The following SIPA1 variants were observed in gnomAD, a reference collection of about 807,000 sequenced individuals.
SIPA1 encodes signal-induced proliferation-associated protein 1.
In SIPA1, 51 loss-of-function variants were observed where a neutral mutation model predicts 88.1. The ratio of observed to expected loss-of-function variants is 0.58; its 90% CI spans 0.46 to 0.73. The LOEUF is 0.73. Ranked by LOEUF, SIPA1 falls within the 30% of genes least tolerant of loss-of-function variation. The pLI is 0.00. For missense variants in SIPA1, 1,348 were observed against 1,467.6 expected (o/e 0.92, Z 1.33); for synonymous variants, 681 against 664.8 (o/e 1.02, Z -0.37).
At position 65,646,681 on chromosome 11, in the gene SIPA1, G is replaced by C; in HGVS notation, c.1647G>C (p.Leu549=). 1.3e-6 allele frequency: 2 copies of C among 1,543,762 alleles called. No homozygotes were observed. The highest frequency in any genetic ancestry group is 1.7e-6 in the Non-Finnish European group (2 of 1,146,896). Residue 549 remains leucine, a synonymous_variant, in exon 8 of 16, where the codon CTG becomes CTC. Transcript: ENST00000534313. The surrounding 1 kb of genome is among the most constrained non-coding windows in gnomAD (Gnocchi z 7.5). The stretch of plus-strand genomic sequence containing the variant: ...CCAACGAGGTGACCACTACGTCGCT[G>C]GACTCGGCTTCACGCTTCGGCCTGC... ...LATNEVTTTS[L]DSASRFGLPS... is the part of the protein sequence containing the mutation.
rs1856016323 is a variant in SIPA1 at position 65,642,125 on chromosome 11, T to C, written c.680-125T>C. 1.5e-6 allele frequency: 2 copies of C among 1,321,830 alleles called. No individual in the cohort carries two copies. The highest frequency in any genetic ancestry group is 5.5e-5 in the Admixed American group (2 of 36,222). The allele number at this position is 1,321,830 out of a possible 1,614,324, so 81.9% of individuals were successfully genotyped here. ...CTCGGGGCTACAGAGGGGCGGGACT[T>C]AGTCTAGGGTCAACATTTGGTGGTG... On this transcript the variant is annotated intron_variant, in intron 2 of 15. Coordinates refer to ENST00000534313, the MANE Select transcript of SIPA1 (RefSeq NM_006747.4). This position sits in a 1 kb window ranked among gnomAD's most constrained non-coding sequence, Gnocchi z 6.5.
At chr11:65,650,534 T>TG in intron 15 of SIPA1, 35 bp from the exon 16 acceptor site, 1 of 1,611,606 alleles carries the variant, frequency 6.2e-7, no homozygotes, top group Non-Finnish European at 8.5e-7. Context: ...GGAAAGGGGC[T>TG]GGCGGCTCTG....
intron 1 of SIPA1, among the ~76,000 whole-genome samples, chr11:65,640,465 G>A (rs758320997): frequency 1.3e-5 from 2 of 152,310 alleles, no homozygotes; most frequent in Admixed American, 6.5e-5. Context: ...TGGGTTTCCC[G>A]TCCCAGCCAA....
At chr11:65,649,168 TC>T (rs1202628562) in intron 9 of SIPA1, 93 bp from the exon 10 acceptor site, 4 of 895,152 alleles carry the variant, frequency 4.5e-6, no homozygotes, top group Non-Finnish European at 6.7e-6. Flanking sequence ...GCTCTCCTGC[TC>T]CTGGAAGTGA....
rs1471726700 is a variant in SIPA1, at chr11:65,646,743, G to T, written c.1709G>T (p.Gly570Val). Reference protein sequence around the residue: ...LGGRRRAAPRGPGAELQAAGS... With the variant: ...LGGRRRAAPRVPGAELQAAGS... ...GGGAGGCGCCGGGCGGCCCCTCGGG[G>T]CCCAGGCGCCGAGCTGCAGGCAGCG... Residue 570 changes from glycine (G) to valine (V), a missense_variant, in exon 8 of 16, where the codon GGC (glycine) becomes GTC (valine). Gly to Val is a moderately radical substitution (Grantham distance 109, BLOSUM62 -3). Around this residue, in one of 4 missense-constraint regions of SIPA1, gnomAD observed 68 missense variants for 59.0 expected, o/e 1.15. Coordinates refer to ENST00000534313, the MANE Select transcript of SIPA1 (RefSeq NM_006747.4). The surrounding 1 kb of genome is among the most constrained non-coding windows in gnomAD (Gnocchi z 7.5). 1.3e-6 allele frequency: 2 copies of T among 1,514,362 alleles called. No homozygotes were observed. The highest frequency in any genetic ancestry group is 8.8e-7 in the Non-Finnish European group (1 of 1,136,706). The allele number at this position is 1,514,362 out of a possible 1,614,324, so 93.8% of individuals were successfully genotyped here.
At chr11:65,645,320 A>G (rs1379443675) in intron 5 of SIPA1, among the ~76,000 whole-genome samples, 191 bp downstream of exon 5, 1 of 152,126 alleles carries the variant, frequency 6.6e-6, no homozygotes, top group African/African-American at 2.4e-5. Flanking sequence ...ACTGTCCCTC[A>G]AGGCCCAAGT....
At chr11:65,641,882 T>C (rs529825460) in intron 2 of SIPA1, among the ~76,000 whole-genome samples, 22 of 152,338 alleles carry the variant, frequency 1.4e-4, no homozygotes, top group Non-Finnish European at 2.2e-4. Flanking sequence ...AGATTCCCTA[T>C]GGGCTTTTCT....
chr11:65,649,904 G>T (rs1327783854), intron 12 of SIPA1, 39 bp downstream of exon 12: 3 of 1,612,944 alleles, frequency 1.9e-6, no homozygotes, highest in Non-Finnish European at 1.7e-6. Flanking sequence ...GGGGTTGGGG[G>T]GTGCTCCTGG....
chr11:65,641,710 C>T, intron 2 of SIPA1, 110 bp downstream of exon 2: 3 of 1,083,350 alleles, frequency 2.8e-6, no homozygotes, highest in Non-Finnish European at 2.6e-6. Flanking sequence ...TGTAAAGTCC[C>T]TGGCCCTGGG....
In SIPA1 at chr11:65,646,476, A is replaced by C; in HGVS notation, c.1442A>C (p.Gln481Pro). 1 of 1,584,344 alleles carries C rather than the reference A, an allele frequency of 6.3e-7. No individual in the cohort carries two copies. Among genetic ancestry groups the C allele is most frequent in the Non-Finnish European group, 8.5e-7 (1 of 1,170,988 alleles). ...TTYRVAVSRTQDTPAFGPALP... is the reference protein window; with the variant it reads ...TTYRVAVSRTPDTPAFGPALP... ...CGCAGGGTGGCCGTGAGCCGCACCC[A>C]GGACACCCCTGCCTTCGGGCCAGCT... The change falls in exon 8 of 16, where the codon CAG (glutamine) becomes CCG (proline). Residue 481 changes from glutamine (Q) to proline (P), a missense_variant. Around this residue, in one of 4 missense-constraint regions of SIPA1, gnomAD observed 641 missense variants for 797.7 expected, o/e 0.80. Transcript: ENST00000534313. The surrounding 1 kb of genome is among the most constrained non-coding windows in gnomAD (Gnocchi z 7.5).
At chr11:65,638,206 G>C (rs1396262167) in intron 1 of SIPA1, 24 bp downstream of exon 1, 3 of 152,326 alleles carry the variant, frequency 2.0e-5, no homozygotes, top group Non-Finnish European at 2.9e-5. Context: ...CAGGGGACGG[G>C]AGGCACTACT....
intron 2 of SIPA1, 100 bp downstream of exon 2, chr11:65,641,700 T>C: frequency 1.8e-6 from 2 of 1,138,338 alleles, no homozygotes; most frequent in South Asian, 3.1e-5. Flanking sequence ...GTCCATTTCC[T>C]GTAAAGTCCC....
At position 65,646,501 on chromosome 11, in the gene SIPA1, T is replaced by C. The variant is rs749888749; in HGVS notation, c.1467T>C (p.Ala489=). ...RTQDTPAFGP[A]LPAGGGPFAA... Reference sequence around the variant, plus strand: ...AGGACACCCCTGCCTTCGGGCCAGCTCTGCCTGCTGGCGGAGGCCCCTTCG... The same window carrying C: ...AGGACACCCCTGCCTTCGGGCCAGCCCTGCCTGCTGGCGGAGGCCCCTTCG... The change falls in exon 8 of 16, where the codon GCT becomes GCC. Residue 489 remains alanine (A), a synonymous_variant. Transcript: ENST00000534313. This position sits in a 1 kb window ranked among gnomAD's most constrained non-coding sequence, Gnocchi z 7.5. 1.9e-6 allele frequency: 3 copies of C among 1,578,372 alleles called. No homozygotes were observed. Among genetic ancestry groups the C allele is most frequent in the Non-Finnish European group, 2.6e-6 (3 of 1,169,006 alleles).
rs1467412488 is a variant in SIPA1, at chr11:65,642,263, C to T, written c.693C>T (p.Phe231=). ...GCGGTCCCCCAGAACATCAGAACTT[C>T]TTCGGGATGGACGAGTCGCTGGGCC... ...KYFYGKEHQN[F]FGMDESLGPV... is the part of the protein sequence containing the mutation. The change falls in exon 3 of 16, where the codon TTC becomes TTT. Residue 231 remains phenylalanine (F), a synonymous_variant. Coordinates refer to ENST00000534313, the MANE Select transcript of SIPA1 (RefSeq NM_006747.4). This position sits in a 1 kb window ranked among gnomAD's most constrained non-coding sequence, Gnocchi z 6.5. 2 of 1,554,748 alleles carry T rather than the reference C, an allele frequency of 1.3e-6. No homozygotes were observed. Among genetic ancestry groups the T allele is most frequent in the Non-Finnish European group, 1.7e-6 (2 of 1,150,278 alleles).
Position 65,649,289 on chromosome 11 carries a change from G to A in SIPA1, c.2334G>A (p.Ser778=), listed in dbSNP as rs1391530948. 5 of 1,548,768 alleles carry A rather than the reference G, an allele frequency of 3.2e-6. No homozygotes were observed. Among genetic ancestry groups the A allele is most frequent in the Non-Finnish European group, 4.4e-6 (5 of 1,144,870 alleles). The part of the protein sequence containing the change: ...RRSFSELYTL[S]LQEPSRRGAP... ...GTTTTTCGGAGCTGTACACGCTGTC[G>A]CTGCAGGAGCCTAGCCGGCGGGGGG... Residue 778 remains serine (S), a synonymous_variant, in exon 10 of 16, where the codon TCG becomes TCA. Transcript: ENST00000534313.
At position 65,642,916 on chromosome 11, in the gene SIPA1, T is replaced by C. The variant is rs1482457190; in HGVS notation, c.984+277T>C. Among the ~76,000 whole-genome samples, 4 of 151,542 alleles carry C rather than the reference T, an allele frequency of 2.6e-5. No individual in the cohort carries two copies. In the East Asian group the frequency reaches 7.7e-4, roughly 29 times the overall value. On this transcript the variant is annotated intron_variant, in intron 4 of 15. Coordinates refer to ENST00000534313, the MANE Select transcript of SIPA1 (RefSeq NM_006747.4). This position sits in a 1 kb window ranked among gnomAD's most constrained non-coding sequence, Gnocchi z 6.5. ...AGAGTTTGCACTTTATTTATTTATT[T>C]ATTTATTTATTTATTTTGAGATGGA...
chr11:65,645,828 C>CT (rs1856099957), intron 5 of SIPA1, 26 bp from the exon 6 acceptor site: 2 of 1,557,538 alleles, frequency 1.3e-6, no homozygotes, highest in Non-Finnish European at 1.8e-6. Context: ...TTTTCTCCTT[C>CT]TGTGTCCCTA....
At position 65,649,943 on chromosome 11, in the gene SIPA1, C is replaced by G. The variant is rs751749558; in HGVS notation, c.2747-7C>G. 1.2e-6 allele frequency: 2 copies of G among 1,613,890 alleles called. No homozygotes were observed. The highest frequency in any genetic ancestry group is 1.7e-6 in the Non-Finnish European group (2 of 1,179,898). On this transcript the variant is annotated splice_region_variant and splice_polypyrimidine_tract_variant and intron_variant, in intron 12 of 15. Transcript: ENST00000534313. The stretch of plus-strand genomic sequence containing the variant: ...TCCCTAGCTCAGCCTGCTCCTTGTG[C>G]CCACAGTCATGTCGGAGGCGGGCAG...
chr11:65,650,367 T>G, intron 14 of SIPA1, 34 bp from the exon 15 acceptor site: 1 of 1,609,016 alleles, frequency 6.2e-7, no homozygotes, highest in South Asian at 1.1e-5. Context: ...CCCCCTGCCT[T>G]GGTCCTGCTG....
Sources: allele counts gnomAD v4.1 joint callset (sites outside exome capture counted in the v4.1 genomes callset), GRCh38; gene constraint gnomAD v4.1.1; regional missense constraint gnomAD v4.1.1; non-coding constraint Gnocchi (gnomAD v3.1); transcripts MANE v1.5; gene names NCBI Gene and HGNC (gene_info 2026-07-23, HGNC 2026-07-21).